VEGFC: variants seen among roughly 807,000 people sequenced by gnomAD.
VEGFC encodes the protein vascular endothelial growth factor C.
Under a neutral mutation model 46.1 loss-of-function variants are expected in VEGFC, and 12 were observed. That is an observed-to-expected ratio of 0.26 (90% CI 0.17 to 0.42). The LOEUF (loss-of-function observed/expected upper bound fraction) is 0.42, where lower values mean the gene tolerates loss of function less well. VEGFC is among the 10% of genes least tolerant of loss of function. VEGFC has a pLI of 1.00. For synonymous variants in VEGFC, 232 were observed against 195.5 expected, an observed-to-expected ratio of 1.19 and a Z score of -1.56; for missense variants, 488 against 529.4, an observed-to-expected ratio of 0.92 and a Z score of 0.77.
intron 4 of VEGFC, among the ~76,000 whole-genome samples, chr4:176,696,088 C>G (rs1260295524): frequency 1.3e-5 from 2 of 148,826 alleles, no homozygotes; most frequent in African/African-American, 5.0e-5. Context: ...CAGGGATGCC[C>G]TCTCTCACCA....
rs1736111924 is a variant in VEGFC at position 176,792,298 on chromosome 4, C to T, written c.14G>A (p.Gly5Asp). The T allele has an allele frequency of 6.6e-7, 1 of 1,525,718 alleles. No individual in the cohort carries two copies. Among genetic ancestry groups the T allele is most frequent in the Non-Finnish European group, 8.8e-7 (1 of 1,138,340 alleles). The allele number at this position is 1,525,718 out of a possible 1,614,324, so 94.5% of individuals were successfully genotyped here. ...CAGAGAACACGCCACAGAGAAGAAG[C>T]CCAGCAAGTGCATGGTGGAAGGACC... MHLL[G>D]FFSVACSLLA... Residue 5 changes from glycine (G) to aspartate (D), a missense_variant, in exon 1 of 7, where the codon GGC becomes GAC. Transcript: ENST00000618562. The surrounding 1 kb of genome is among the most constrained non-coding windows in gnomAD (Gnocchi z 6.3).
intron 1 of VEGFC, among the ~76,000 whole-genome samples, chr4:176,772,491 T>A (rs1323761409): frequency 6.6e-6 from 1 of 152,196 alleles, no homozygotes; most frequent in Non-Finnish European, 1.5e-5. Flanking sequence ...TACATCAACG[T>A]TGCAAACAAC....
intron 3 of VEGFC, among the ~76,000 whole-genome samples, chr4:176,717,361 T>C (rs1392867996): frequency 2.6e-5 from 4 of 152,140 alleles, no homozygotes; most frequent in Admixed American, 2.0e-4. Flanking sequence ...ACTGAGAGGT[T>C]CCCAGTTGTA....
At chr4:176,748,000 T>A (rs978519507) in intron 1 of VEGFC, among the ~76,000 whole-genome samples, 1 of 151,794 alleles carries the variant, frequency 6.6e-6, no homozygotes, top group African/African-American at 2.4e-5. Context: ...TTAAACAAAT[T>A]TTTAGAACAA....
intron 4 of VEGFC, among the ~76,000 whole-genome samples, chr4:176,705,546 T>C (rs1734519634): frequency 6.6e-6 from 1 of 152,226 alleles, no homozygotes; most frequent in Non-Finnish European, 1.5e-5. Flanking sequence ...TTAATTTTTA[T>C]ATTTTCCTGG....
At chr4:176,773,514 T>C (rs1279424917) in intron 1 of VEGFC, among the ~76,000 whole-genome samples, 1 of 152,116 alleles carries the variant, frequency 6.6e-6, no homozygotes, top group Non-Finnish European at 1.5e-5. Context: ...AAATAATAAA[T>C]GTCTTCCTAG....
intron 4 of VEGFC, among the ~76,000 whole-genome samples, chr4:176,694,377 C>CA (rs1560935954): frequency 6.6e-6 from 1 of 151,976 alleles, no homozygotes; most frequent in African/African-American, 2.4e-5. Flanking sequence ...TCAAAAGAGA[C>CA]AAAAAAGGCC....
chr4:176,760,409 G>T (rs1234752283), intron 1 of VEGFC, among the ~76,000 whole-genome samples: 1 of 152,204 alleles, frequency 6.6e-6, no homozygotes, highest in East Asian at 1.9e-4. Context: ...AATTTCTCTA[G>T]GCAAAGCCAT....
chr4:176,716,584 GA>G (rs57274087), intron 3 of VEGFC, among the ~76,000 whole-genome samples: 58 of 43,770 alleles, frequency 1.3e-3, no homozygotes, highest in African/African-American at 2.3e-3. Flanking sequence ...CTCCCTCTCC[GA>G]AAAAAAAAAA....
chr4:176,776,812 G>C lies in VEGFC; in HGVS notation c.147+15353C>G, dbSNP rs1054905788. Among the ~76,000 whole-genome samples, 3 of 152,048 alleles carry C rather than the reference G, an allele frequency of 2.0e-5. No homozygotes were observed. The South Asian group carries it at 6.2e-4, about 32-fold the overall frequency. On this transcript the variant is annotated intron_variant, in intron 1 of 6. Coordinates refer to ENST00000618562, the MANE Select transcript of VEGFC (RefSeq NM_005429.5). The stretch of plus-strand genomic sequence containing the variant: ...TTTTAGGTGTGTTTTATTTTGCTTG[G>C]CTTTGGTTTTTTGTATCTATCAAAA...
At chr4:176,722,488 G>GTTTTTTTTTTTTT (rs138526102) in intron 3 of VEGFC, among the ~76,000 whole-genome samples, 1 of 134,980 alleles carries the variant, frequency 7.4e-6, no homozygotes, top group Non-Finnish European at 1.5e-5. Flanking sequence ...TTTTTCTTTT[G>GTTTTTTTTTTTTT]TTTTTTTTTT....
At chr4:176,693,791 C>G (rs941557627) in intron 4 of VEGFC, among the ~76,000 whole-genome samples, 1 of 141,676 alleles carries the variant, frequency 7.1e-6, no homozygotes, top group Non-Finnish European at 1.5e-5. Flanking sequence ...GGCAGAAACC[C>G]TACAAGCCAG....
intron 1 of VEGFC, among the ~76,000 whole-genome samples, chr4:176,778,876 T>C (rs951982820): frequency 6.6e-6 from 1 of 152,170 alleles, no homozygotes. Context: ...AAAATGCTGA[T>C]TTCAAAATTT....
chr4:176,707,006 C>A (rs1245879654), intron 4 of VEGFC, among the ~76,000 whole-genome samples: 1 of 152,102 alleles, frequency 6.6e-6, no homozygotes, highest in Non-Finnish European at 1.5e-5. Flanking sequence ...TCTTTTTAGC[C>A]AAGCTTATTT....
intron 1 of VEGFC, among the ~76,000 whole-genome samples, chr4:176,733,259 A>G (rs1216834497): frequency 6.6e-6 from 1 of 152,010 alleles, no homozygotes; most frequent in Non-Finnish European, 1.5e-5. Context: ...CCTGTATAGT[A>G]TCTGTTTAGG....
chr4:176,692,443 C>T (rs1366480863), intron 4 of VEGFC, among the ~76,000 whole-genome samples: 3 of 134,568 alleles, frequency 2.2e-5, no homozygotes, highest in Non-Finnish European at 4.5e-5. Flanking sequence ...CGGCACACCA[C>T]GAGATTATAC....
intron 1 of VEGFC, among the ~76,000 whole-genome samples, chr4:176,767,870 C>T (rs1021351098): frequency 1.2e-4 from 19 of 152,090 alleles, no homozygotes; most frequent in Non-Finnish European, 2.4e-4. Context: ...GTAAACAGAA[C>T]GCTGCCCTGA....
chr4:176,729,831 G>GC, intron 1 of VEGFC, 85 bp from the exon 2 acceptor site: 4 of 1,003,522 alleles, frequency 4.0e-6, no homozygotes, highest in South Asian at 2.5e-5. Flanking sequence ...AGGTTTAATA[G>GC]TATCTATGCT....
chr4:176,706,623 C>G (rs1466425329), intron 4 of VEGFC, among the ~76,000 whole-genome samples: 1 of 46,266 alleles, frequency 2.2e-5, no homozygotes, highest in Non-Finnish European at 3.8e-5. Context: ...GAGAATCTGT[C>G]TCAAAAAAAA....
Sources: gnomAD v4.1 joint callset for allele counts (sites outside exome capture counted in the v4.1 genomes callset) on GRCh38, gnomAD v4.1.1 for gene constraint, Gnocchi (gnomAD v3.1) non-coding constraint, MANE v1.5 for transcripts, NCBI Gene and HGNC (gene_info 2026-07-23, HGNC 2026-07-21) for gene names.